FNDC3B: variants seen among roughly 807,000 people sequenced by gnomAD.
The protein encoded by FNDC3B is fibronectin type III domain-containing protein 3B.
In FNDC3B, 12 loss-of-function variants were observed where a neutral mutation model predicts 151.5. The observed-to-expected ratio is 0.08, with a 90% CI of 0.05 to 0.13. The LOEUF (loss-of-function observed/expected upper bound fraction) is 0.13, where lower values mean the gene tolerates loss of function less well. Among genes scored for constraint, FNDC3B ranks in the 10% least tolerant of loss-of-function variants. The pLI is 1.00. For missense variants in FNDC3B, 1,214 were observed against 1,505.3 expected (o/e 0.81, Z 3.20); for synonymous variants, 528 against 549.0 (o/e 0.96, Z 0.54).
intron 3 of FNDC3B, among the ~76,000 whole-genome samples, chr3:172,172,159 AT>A (rs1049378888): frequency 3.3e-5 from 5 of 152,220 alleles, no homozygotes; most frequent in African/African-American, 9.6e-5. Context: ...CAGTAAGCAG[AT>A]GATGGCGTAA....
intron 1 of FNDC3B, among the ~76,000 whole-genome samples, chr3:172,096,025 T>A (rs79552422): frequency 0.016 from 2,385 of 152,362 alleles, 67 homozygotes; most frequent in African/African-American, 0.055. Flanking sequence ...TTTTCATACA[T>A]TGTTCTAAAA....
chr3:172,181,298 G>A (rs1723876400), intron 3 of FNDC3B, among the ~76,000 whole-genome samples: 1 of 149,756 alleles, frequency 6.7e-6, no homozygotes, highest in African/African-American at 2.5e-5. Flanking sequence ...GGAGGCTGAG[G>A]TGGGAGGATC....
At chr3:172,382,517 G>C (rs1411666746) in intron 25 of FNDC3B, among the ~76,000 whole-genome samples, 1 of 152,134 alleles carries the variant, frequency 6.6e-6, no homozygotes, top group Non-Finnish European at 1.5e-5. Flanking sequence ...ATTGCTTTTG[G>C]TGTTTTAGTC....
At chr3:172,041,411 CTCCTTCCTTCCTTCCT>C (rs10530673) in intron 1 of FNDC3B, among the ~76,000 whole-genome samples, 11,096 of 138,892 alleles carry the variant, frequency 0.08, 666 homozygotes, top group East Asian at 0.17. Flanking sequence ...CTCCTTCTCT[CTCCTTCCTTCCTTCCT>C]TCCTTCCTTC....
chr3:172,256,999 C>G (rs1254210512), intron 6 of FNDC3B, among the ~76,000 whole-genome samples: 2 of 151,312 alleles, frequency 1.3e-5, no homozygotes, highest in Non-Finnish European at 2.9e-5. Context: ...GGCGCAATTT[C>G]GGCTCACTGA....
chr3:172,267,820 A>T (rs1465906839), intron 6 of FNDC3B, among the ~76,000 whole-genome samples: 1 of 152,238 alleles, frequency 6.6e-6, no homozygotes, highest in African/African-American at 2.4e-5. Flanking sequence ...GCCCTCAGGG[A>T]AATTACATAA....
intron 12 of FNDC3B, chr3:172,330,337 T>C: frequency 2.1e-6 from 1 of 480,646 alleles, no homozygotes; most frequent in Non-Finnish European, 3.7e-6. Flanking sequence ...ACTTGGTGTG[T>C]GTGTCTAGTA....
intron 1 of FNDC3B, among the ~76,000 whole-genome samples, chr3:172,050,838 A>G (rs1306100849): frequency 1.3e-5 from 2 of 151,910 alleles, no homozygotes; most frequent in African/African-American, 4.8e-5. Context: ...TGAGCTTTTC[A>G]TACCATAGCT....
chr3:172,172,509 G>A (rs1723336760), intron 3 of FNDC3B, among the ~76,000 whole-genome samples: 1 of 152,110 alleles, frequency 6.6e-6, no homozygotes, highest in African/African-American at 2.4e-5. Context: ...TTGTTCCTGG[G>A]GGAATATGTT....
chr3:172,383,234 G>A (rs1370679746), intron 25 of FNDC3B, among the ~76,000 whole-genome samples: 2 of 152,182 alleles, frequency 1.3e-5, no homozygotes, highest in East Asian at 1.9e-4. Context: ...TGTAGCAATT[G>A]TGAATGGGAG....
chr3:172,079,599 G>A (rs1718184235), intron 1 of FNDC3B, among the ~76,000 whole-genome samples: 1 of 152,204 alleles, frequency 6.6e-6, no homozygotes, highest in Non-Finnish European at 1.5e-5. Flanking sequence ...GGGGATGGGA[G>A]ATAATTCCCG....
intron 16 of FNDC3B, among the ~76,000 whole-genome samples, chr3:172,340,679 A>T (rs151213015): frequency 6.6e-6 from 1 of 152,290 alleles, no homozygotes; most frequent in East Asian, 1.9e-4. Context: ...AGATAAGAAC[A>T]GGGAGAAATT....
chr3:172,380,856 AAC>A, intron 24 of FNDC3B, 108 bp from the exon 25 acceptor site: 1 of 1,296,856 alleles, frequency 7.7e-7, no homozygotes, highest in East Asian at 2.4e-5. Flanking sequence ...TCTCAGGGCA[AAC>A]ACAGGCACAA....
chr3:172,199,975 T>C (rs1725057848), intron 3 of FNDC3B, among the ~76,000 whole-genome samples: 1 of 151,870 alleles, frequency 6.6e-6, no homozygotes, highest in Non-Finnish European at 1.5e-5. Context: ...CCATATACTT[T>C]ACACATTTCT....
At chr3:172,165,585 G>A (rs1722967292) in intron 3 of FNDC3B, among the ~76,000 whole-genome samples, 1 of 152,106 alleles carries the variant, frequency 6.6e-6, no homozygotes, top group Non-Finnish European at 1.5e-5. Flanking sequence ...ACTCTAGATT[G>A]AATTTTCATA....
intron 25 of FNDC3B, among the ~76,000 whole-genome samples, chr3:172,388,833 G>T (rs998294634): frequency 2.6e-5 from 4 of 152,134 alleles, no homozygotes; most frequent in Admixed American, 6.5e-5. Flanking sequence ...TTTCTGCAAG[G>T]CGGGGCAGGG....
chr3:172,400,070 A>C lies in FNDC3B; in HGVS notation c.*2595A>C, dbSNP rs1221413788. 1.3e-5 allele frequency: 2 copies of C among 152,506 alleles called. No individual in the cohort carries two copies. The allele number at this position is 152,506 out of a possible 1,614,324, so 9.4% of individuals were successfully genotyped here. Reference sequence around the variant, plus strand: ...TCACAAATATGTATATGTGATATTGATATATAACTATATATATTGCCATCA... The same window carrying C: ...TCACAAATATGTATATGTGATATTGCTATATAACTATATATATTGCCATCA... On this transcript the variant is annotated 3_prime_UTR_variant, in exon 26 of 26. Coordinates refer to ENST00000415807, the MANE Select transcript of FNDC3B (RefSeq NM_022763.4).
intron 3 of FNDC3B, among the ~76,000 whole-genome samples, chr3:172,150,277 G>T (rs1390819324): frequency 6.6e-6 from 1 of 151,970 alleles, no homozygotes; most frequent in Non-Finnish European, 1.5e-5. Flanking sequence ...TAAGTATTTA[G>T]TTTACGTTGC....
chr3:172,055,249 A>T (rs527248535), intron 1 of FNDC3B, among the ~76,000 whole-genome samples: 1 of 152,314 alleles, frequency 6.6e-6, no homozygotes, highest in East Asian at 1.9e-4. Flanking sequence ...TTAGCAATAC[A>T]TATCTTAATG....
Sources: gnomAD v4.1 joint callset for allele counts (sites outside exome capture counted in the v4.1 genomes callset) on GRCh38, gnomAD v4.1.1 for gene constraint, MANE v1.5 for transcripts, NCBI Gene and HGNC (gene_info 2026-07-23, HGNC 2026-07-21) for gene names.